The following ZNF667 variants were observed in gnomAD, a reference collection of about 807,000 sequenced individuals.
The protein encoded by ZNF667 is myocardial ischemic preconditioning upregulated 1 ortholog.
Under a neutral mutation model 31.8 loss-of-function variants are expected in ZNF667, and 13 were observed. The ratio of observed to expected loss-of-function variants is 0.41; its 90% CI spans 0.27 to 0.65. ZNF667 has a LOEUF of 0.65. Ranked by LOEUF, ZNF667 falls within the 30% of genes least tolerant of loss-of-function variation. The pLI is 0.32. For missense variants in ZNF667, 642 were observed against 725.6 expected, an observed-to-expected ratio of 0.88 and a Z score of 1.32; for synonymous variants, 228 against 247.1, an observed-to-expected ratio of 0.92 and a Z score of 0.73.
chr19:56,454,700 C>G lies in ZNF667; in HGVS notation c.253+3455G>C, dbSNP rs181637198. 2.0e-5 allele frequency among the ~76,000 whole-genome samples: 3 copies of G among 150,634 alleles called. 1 individual carries two copies. On this transcript the variant is annotated intron_variant, in intron 6 of 6. Coordinates refer to ENST00000504904, the MANE Select transcript of ZNF667 (RefSeq NM_001321356.2). ...TAAAAATGGATTAAAGACAAATCTA[C>G]GACCTAAAACAATCAAACTACTAAA...
At chr19:56,449,956 T>G (rs767018864) in intron 6 of ZNF667, among the ~76,000 whole-genome samples, 4 of 150,208 alleles carry the variant, frequency 2.7e-5, no homozygotes, top group African/African-American at 7.4e-5. Context: ...GGAAGAAGAA[T>G]AATAAAGCAT....
At chr19:56,444,411 C>T (rs1321386363) in intron 6 of ZNF667, 1 of 393,762 alleles carries the variant, frequency 2.5e-6, no homozygotes, top group Non-Finnish European at 4.5e-6. Flanking sequence ...TGCTAAGACA[C>T]CACCAAGGGA....
chr19:56,469,610 T>C (rs542790650), intron 3 of ZNF667, among the ~76,000 whole-genome samples: 164 of 152,264 alleles, frequency 1.1e-3, no homozygotes, highest in African/African-American at 3.8e-3. Flanking sequence ...TGCTCAAACC[T>C]CACCTTCTCA....
At chr19:56,476,363 TG>T (rs2043407333) in intron 1 of ZNF667, among the ~76,000 whole-genome samples, 1 of 152,092 alleles carries the variant, frequency 6.6e-6, no homozygotes, top group Non-Finnish European at 1.5e-5. Context: ...CAACTGGAGA[TG>T]GTCAGATGCC....
chr19:56,450,225 GAAAAGAAACAACAT>G (rs1376806807), intron 6 of ZNF667, among the ~76,000 whole-genome samples: 2 of 152,196 alleles, frequency 1.3e-5, no homozygotes, highest in African/African-American at 4.8e-5. Flanking sequence ...AGCAGCAAGA[GAAAAGAAACAACAT>G]AAAACGGAAC....
chr19:56,474,420 A>T (rs1024780828), intron 1 of ZNF667: 1 of 152,332 alleles, frequency 6.6e-6, no homozygotes, highest in Middle Eastern at 3.4e-3. Flanking sequence ...TACGTAGGCA[A>T]TTTCTCCAAA....
chr19:56,445,492 T>C (rs1442647790), intron 6 of ZNF667, among the ~76,000 whole-genome samples: 8 of 644 alleles, frequency 0.012, no homozygotes, highest in African/African-American at 0.021. Flanking sequence ...CCTCCAACAC[T>C]GAGGATTAAA....
intron 6 of ZNF667, among the ~76,000 whole-genome samples, chr19:56,455,239 C>A (rs1228202986): frequency 6.6e-6 from 1 of 152,126 alleles, no homozygotes; most frequent in African/African-American, 2.4e-5. Flanking sequence ...ATTAGTACAG[C>A]CACTATTGAC....
chr19:56,459,972 A>G (rs1472591615), intron 5 of ZNF667, among the ~76,000 whole-genome samples: 1 of 152,140 alleles, frequency 6.6e-6, no homozygotes, highest in Non-Finnish European at 1.5e-5. Flanking sequence ...AGCCTGGCGA[A>G]AGAGCAAGAC....
chr19:56,456,603 A>G (rs1229489584), intron 6 of ZNF667, among the ~76,000 whole-genome samples: 1 of 152,348 alleles, frequency 6.6e-6, no homozygotes, highest in East Asian at 1.9e-4. Flanking sequence ...GTGACTCAGT[A>G]CTATAGAAAA....
At chr19:56,455,874 G>T (rs2042921202) in intron 6 of ZNF667, among the ~76,000 whole-genome samples, 2 of 152,036 alleles carry the variant, frequency 1.3e-5, no homozygotes, top group African/African-American at 4.8e-5. Context: ...TATCCTATGT[G>T]CCCTGTAAAT....
chr19:56,457,864 G>A (rs989180657), intron 6 of ZNF667, among the ~76,000 whole-genome samples: 2 of 152,138 alleles, frequency 1.3e-5, no homozygotes, highest in African/African-American at 2.4e-5. Context: ...TTTAAGTCAC[G>A]AAGGTGGAGC....
At chr19:56,477,533 TGGTGCA>T (rs2043442938), upstream of ZNF667, 1 of 151,956 alleles carries the variant, frequency 6.6e-6, no homozygotes. Context: ...TTCGCACGAT[TGGTGCA>T]GGCGGACGCG....
At chr19:56,474,544 C>T (rs2043360857) in intron 1 of ZNF667, 1 of 152,286 alleles carries the variant, frequency 6.6e-6, no homozygotes, top group Admixed American at 6.5e-5. Context: ...CAGGATGGGG[C>T]TAGGAATACC....
At chr19:56,465,509 T>C (rs2043139672) in intron 3 of ZNF667, among the ~76,000 whole-genome samples, 1 of 152,250 alleles carries the variant, frequency 6.6e-6, no homozygotes, top group South Asian at 2.1e-4. Context: ...AAATGTTCCA[T>C]GTGCTAAGCA....
chr19:56,441,033 C>T lies in ZNF667; in HGVS notation c.*129G>A. The T allele has an allele frequency of 3.4e-6, 5 of 1,458,836 alleles. No individual in the cohort carries two copies. The highest frequency in any genetic ancestry group is 4.5e-6 in the Non-Finnish European group (5 of 1,109,132). 90.4% of individuals were successfully genotyped at this position (1,458,836 alleles called of 1,614,324 possible). ...AGGTCAAAATCACCAATGACTTTTG[C>T]TCTTTGGCTTTCAAAGTGGGACATA... On this transcript the variant is annotated 3_prime_UTR_variant, in exon 7 of 7. Coordinates refer to ENST00000504904, the MANE Select transcript of ZNF667 (RefSeq NM_001321356.2). The surrounding 1 kb of genome is among the most constrained non-coding windows in gnomAD (Gnocchi z 4.2).
intron 5 of ZNF667, among the ~76,000 whole-genome samples, chr19:56,458,570 T>C (rs1369829026): frequency 1.3e-5 from 2 of 152,112 alleles, no homozygotes; most frequent in African/African-American, 4.8e-5. Context: ...GATTAGAGGA[T>C]TGGAACTTTC....
At chr19:56,470,811 G>T (rs1490559702) in intron 3 of ZNF667, among the ~76,000 whole-genome samples, 1 of 152,198 alleles carries the variant, frequency 6.6e-6, no homozygotes, top group Non-Finnish European at 1.5e-5. Flanking sequence ...TTCGTACAGA[G>T]ATGGGGACCA....
At chr19:56,462,620 T>C (rs1237024292) in intron 3 of ZNF667, among the ~76,000 whole-genome samples, 191 bp from the exon 4 acceptor site, 1 of 152,174 alleles carries the variant, frequency 6.6e-6, no homozygotes, top group African/African-American at 2.4e-5. Flanking sequence ...GGCCAACCCT[T>C]TTTGTGCCTA....
Sources: allele counts gnomAD v4.1 joint callset (sites outside exome capture counted in the v4.1 genomes callset), GRCh38; gene constraint gnomAD v4.1.1; non-coding constraint Gnocchi (gnomAD v3.1); transcripts MANE v1.5; gene names NCBI Gene and HGNC (gene_info 2026-07-23, HGNC 2026-07-21).